MTMR7: variants seen among roughly 807,000 people sequenced by gnomAD.
MTMR7 encodes the protein myotubularin related protein 7, also known as phosphatidylinositol-3-phosphate phosphatase MTMR7.
Under a neutral mutation model 81.2 loss-of-function variants are expected in MTMR7, and 76 were observed. The observed-to-expected ratio is 0.94, with a 90% CI of 0.78 to 1.13. MTMR7 has a LOEUF of 1.13. Ranked by LOEUF, MTMR7 falls within the 50% of genes most tolerant of loss-of-function variation. The pLI is 0.00. For missense variants in MTMR7, 1,044 were observed against 820.0 expected (o/e 1.27, Z -3.34); for synonymous variants, 372 against 289.8 (o/e 1.28, Z -2.88).
intron 9 of MTMR7, among the ~76,000 whole-genome samples, chr8:17,310,703 C>T (rs1393238054): frequency 6.6e-6 from 1 of 152,202 alleles, no homozygotes; most frequent in Non-Finnish European, 1.5e-5. Flanking sequence ...GAGCCTGCCT[C>T]TTCGCTCTTG....
At position 17,336,714 on chromosome 8, in the gene MTMR7, C is replaced by T. The variant is rs2239874; in HGVS notation, c.732+4649G>A. ...CCAGGCGTCACGGAGGCAAGCGCTG[C>T]CTCGCCCTCGGCCCTTCTCTTCATG... On this transcript the variant is annotated intron_variant, in intron 6 of 13. Transcript: ENST00000180173. Among the ~76,000 whole-genome samples, 1,176 of 152,310 alleles carry T rather than the reference C, an allele frequency of 7.7e-3. 29 individuals carry two copies. The highest frequency in any genetic ancestry group is 0.075 in the East Asian group (386 of 5,162).
At chr8:17,350,683 G>C (rs958682685) in intron 4 of MTMR7, among the ~76,000 whole-genome samples, 1 of 152,112 alleles carries the variant, frequency 6.6e-6, no homozygotes, top group South Asian at 2.1e-4. Context: ...GGGTTTGTAG[G>C]GGTTGAAAAC....
chr8:17,350,633 C>T (rs1483434704), intron 4 of MTMR7, among the ~76,000 whole-genome samples: 1 of 152,098 alleles, frequency 6.6e-6, no homozygotes, highest in Non-Finnish European at 1.5e-5. Context: ...ATCTGCAGGC[C>T]CTGTGTCCAT....
chr8:17,393,073 T>C (rs1020675967), intron 1 of MTMR7, among the ~76,000 whole-genome samples: 2 of 152,130 alleles, frequency 1.3e-5, no homozygotes, highest in African/African-American at 4.8e-5. Flanking sequence ...TGGCTAAGGA[T>C]AGACAAAGAT....
intron 7 of MTMR7, among the ~76,000 whole-genome samples, chr8:17,314,965 C>G (rs1302867527): frequency 6.6e-6 from 1 of 152,120 alleles, no homozygotes; most frequent in Non-Finnish European, 1.5e-5. Context: ...TGAGAGGGTG[C>G]TTAGTGGAAG....
At chr8:17,384,821 G>A (rs1320310993) in intron 1 of MTMR7, among the ~76,000 whole-genome samples, 2 of 152,188 alleles carry the variant, frequency 1.3e-5, no homozygotes, top group East Asian at 3.8e-4. Flanking sequence ...TTTCCAAAAG[G>A]AGTATTTAAT....
chr8:17,305,409 A>G (rs1287531598), intron 11 of MTMR7, among the ~76,000 whole-genome samples: 1 of 152,132 alleles, frequency 6.6e-6, no homozygotes, highest in Non-Finnish European at 1.5e-5. Flanking sequence ...TAAATTTGCA[A>G]TTTTTATTAT....
At chr8:17,362,352 C>T (rs918671880) in intron 3 of MTMR7, among the ~76,000 whole-genome samples, 2 of 152,204 alleles carry the variant, frequency 1.3e-5, no homozygotes, top group South Asian at 2.1e-4. Flanking sequence ...TGGCCAGTGG[C>T]TACCACCTTG....
intron 8 of MTMR7, 96 bp from the exon 9 acceptor site, chr8:17,311,732 GAAAC>G: frequency 5.1e-6 from 8 of 1,565,092 alleles, no homozygotes; most frequent in Admixed American, 1.8e-5. Flanking sequence ...TTTACAGAAA[GAAAC>G]AGCCAAAACG....
At chr8:17,398,941 T>C (rs1019982934) in intron 1 of MTMR7, among the ~76,000 whole-genome samples, 1 of 152,158 alleles carries the variant, frequency 6.6e-6, no homozygotes, top group African/African-American at 2.4e-5. Flanking sequence ...TGCAAGCCTC[T>C]GGTAACTTCC....
At position 17,365,955 on chromosome 8, in the gene MTMR7, T is replaced by G. The variant is rs1010844066; in HGVS notation, c.311-4681A>C. Among the ~76,000 whole-genome samples the G allele has an allele frequency of 2.0e-5, 3 of 152,296 alleles. No individual in the cohort carries two copies. The East Asian group carries it at 5.8e-4, about 29-fold the overall frequency. ...TCAACCCAAACACAGAGATCCATGT[T>G]TTGGCTGATCTTATTCTAGCACCGG... On this transcript the variant is annotated intron_variant, in intron 3 of 13. Coordinates refer to ENST00000180173, the MANE Select transcript of MTMR7 (RefSeq NM_004686.5).
chr8:17,311,559 C>T lies in MTMR7; in HGVS notation c.1053G>A (p.Val351=), dbSNP rs760282155. The T allele has an allele frequency of 6.2e-7, 1 of 1,614,148 alleles. No individual in the cohort carries two copies. Among genetic ancestry groups the T allele is most frequent in the South Asian group, 1.1e-5 (1 of 91,086 alleles). ...AGTGAGGGTCCAGCAGCAGGCTTGCCACCGAGCACACCTGAGCGGTCCTGT... is the reference window on the plus strand; with the variant it reads ...AGTGAGGGTCCAGCAGCAGGCTTGCTACCGAGCACACCTGAGCGGTCCTGT... The part of the protein sequence containing the change: ...GWDRTAQVCS[V]ASLLLDPHYR... The change falls in exon 9 of 14, where the codon GTG becomes GTA. Residue 351 remains valine (V), a synonymous_variant. Transcript: ENST00000180173.
chr8:17,378,384 T>A (rs748520638), intron 1 of MTMR7, among the ~76,000 whole-genome samples: 1 of 152,194 alleles, frequency 6.6e-6, no homozygotes, highest in Non-Finnish European at 1.5e-5. Context: ...TACTAAGACG[T>A]TGAAAACGAT....
chr8:17,309,303 A>T lies in MTMR7; in HGVS notation c.1125T>A (p.Ile375=), dbSNP rs1817659551. 1.3e-6 allele frequency: 2 copies of T among 1,566,968 alleles called. No individual in the cohort carries two copies. Among genetic ancestry groups the T allele is most frequent in the Non-Finnish European group, 1.8e-6 (2 of 1,137,816 alleles). Residue 375 remains isoleucine, a synonymous_variant, in exon 10 of 14, where the codon ATT becomes ATA. Transcript: ENST00000180173. The part of the protein sequence containing the change: ...GFMVLIEKDW[I]SFGHKFNHRY... ...GGTGATTAAACTTATGACCAAAGGA[A>T]ATCCAGTCCTTTTCAATTAATACCT...
chr8:17,333,375 T>A (rs1819112178), intron 6 of MTMR7, among the ~76,000 whole-genome samples: 1 of 152,200 alleles, frequency 6.6e-6, no homozygotes, highest in South Asian at 2.1e-4. Context: ...TATCACTGCT[T>A]TGTATAATTA....
intron 1 of MTMR7, among the ~76,000 whole-genome samples, chr8:17,385,712 C>A (rs928595699): frequency 6.6e-6 from 1 of 152,090 alleles, no homozygotes; most frequent in Non-Finnish European, 1.5e-5. Context: ...TAAAAGGGTA[C>A]AGCACCTACC....
At chr8:17,325,352 A>G (rs1259687195) in intron 7 of MTMR7, among the ~76,000 whole-genome samples, 1 of 152,182 alleles carries the variant, frequency 6.6e-6, no homozygotes, top group Admixed American at 6.5e-5. Flanking sequence ...TGAAGATTTC[A>G]ATCCATCAGG....
At chr8:17,348,383 C>CA (rs541527347) in intron 5 of MTMR7, among the ~76,000 whole-genome samples, 3,258 of 141,636 alleles carry the variant, frequency 0.023, 135 homozygotes, top group African/African-American at 0.079. Flanking sequence ...ACTAAAAATA[C>CA]AAAAAAAAAA....
intron 7 of MTMR7, among the ~76,000 whole-genome samples, chr8:17,325,906 G>A (rs1014541015): frequency 1.3e-5 from 2 of 152,138 alleles, no homozygotes; most frequent in African/African-American, 2.4e-5. Context: ...ATTTCATTGA[G>A]TGCTTATTTT....
Sources: allele counts gnomAD v4.1 joint callset (sites outside exome capture counted in the v4.1 genomes callset), GRCh38; gene constraint gnomAD v4.1.1; transcripts MANE v1.5; gene names NCBI Gene and HGNC (gene_info 2026-07-23, HGNC 2026-07-21).